SH3BP1: variants seen among roughly 807,000 people sequenced by gnomAD.
SH3BP1 encodes the protein SH3 domain-binding protein 1.
Under a neutral mutation model 69.8 loss-of-function variants are expected in SH3BP1, and 46 were observed. That is an observed-to-expected ratio of 0.66 (90% CI 0.52 to 0.84). SH3BP1 has a LOEUF of 0.84. SH3BP1 is among the 40% of genes least tolerant of loss of function. SH3BP1 has a pLI of 0.00. For synonymous variants in SH3BP1, 403 were observed against 378.0 expected (o/e 1.07, Z -0.77); for missense variants, 868 against 930.9 (o/e 0.93, Z 0.88).
chr22:37,643,199 G>C, intron 6 of SH3BP1, 25 bp downstream of exon 6: 4 of 1,587,442 alleles, frequency 2.5e-6, no homozygotes, highest in Non-Finnish European at 3.4e-6. Flanking sequence ...CGCTCAGGGG[G>C]CTCATATCTG....
chr22:37,641,114 C>CCCAA lies in SH3BP1; in HGVS notation c.60-12_60-11insCCAA. 7.4e-7 allele frequency: 1 copy of CCCAA among 1,358,296 alleles called. No individual in the cohort carries two copies. Among genetic ancestry groups the CCCAA allele is most frequent in the Non-Finnish European group, 1.0e-6 (1 of 984,252 alleles). The allele number at this position is 1,358,296 out of a possible 1,614,324, so 84.1% of individuals were successfully genotyped here. On this transcript the variant is annotated splice_polypyrimidine_tract_variant and intron_variant, in intron 1 of 17. Transcript: ENST00000649765. Reference sequence around the variant, plus strand: ...GAAGCACTCTCCCCCCCCCCCCCACCACTCCCCGCAGCACCCCGGAGACCG... The same window carrying CCCAA: ...GAAGCACTCTCCCCCCCCCCCCCACCCCAAACTCCCCGCAGCACCCCGGAGACCG...
Position 37,643,287 on chromosome 22 carries a change from A to AGT in SH3BP1, c.473+120_473+121dup, listed in dbSNP as rs1932678349. ...GGATGCTGTGGGGTCTGCTGAGTAC[A>AGT]GTGTGTGTACTTGTGCACGCCTGGT... On this transcript the variant is annotated intron_variant, in intron 6 of 17. Transcript: ENST00000649765. 4 of 952,640 alleles carry AGT rather than the reference A, an allele frequency of 4.2e-6. No individual in the cohort carries two copies. The South Asian group carries it at 4.2e-5, about 10-fold the overall frequency. The allele number at this position is 952,640 out of a possible 1,614,324, so 59.0% of individuals were successfully genotyped here.
intron 7 of SH3BP1, among the ~76,000 whole-genome samples, chr22:37,644,239 C>T (rs1435920379): frequency 6.6e-6 from 1 of 152,260 alleles, no homozygotes; most frequent in Non-Finnish European, 1.5e-5. Context: ...CTTAGCTGGG[C>T]GTAGTGGCGG....
Position 37,648,347 on chromosome 22 carries a change from GC to G in SH3BP1, c.1230del (p.Glu411ArgfsTer5). On this transcript the variant is annotated frameshift_variant, in exon 14 of 18. Coordinates refer to ENST00000649765, the MANE Select transcript of SH3BP1 (RefSeq NM_018957.6). LOFTEE classifies it high-confidence loss of function. ...CCTGATGAAGTTCCTGGCACGGCTG[GC>G]CGAGGAGCAGGAGGTGAACAAGATG... ...RYLMKFLARL[A>X]EEQEVNKMTP... is the part of the protein sequence containing the mutation. The G allele has an allele frequency of 6.3e-7, 1 of 1,579,688 alleles. No homozygotes were observed. Among genetic ancestry groups the G allele is most frequent in the Non-Finnish European group, 8.6e-7 (1 of 1,162,694 alleles).
In SH3BP1 at chr22:37,655,507, C is replaced by CCCGGCCTCCCCAGGT. The variant is rs1352009220; in HGVS notation, c.1932_1946dup (p.Gly648_Pro652dup). 5.1e-6 allele frequency: 8 copies of CCCGGCCTCCCCAGGT among 1,573,236 alleles called. No homozygotes were observed. The highest frequency in any genetic ancestry group is 4.7e-5 in the South Asian group (4 of 84,926). ...GCCGGCGTTCACCAGCCTCCCCCAG[C>CCCGGCCTCCCCAGGT]CCGGCCTCCCCAGGTCCAGCCTCCC... On this transcript the variant is annotated inframe_insertion, in exon 18 of 18. Coordinates refer to ENST00000649765, the MANE Select transcript of SH3BP1 (RefSeq NM_018957.6).
In SH3BP1 at chr22:37,650,174, G is replaced by C; in HGVS notation, c.1339G>C (p.Ala447Pro). The part of the protein sequence containing the change: ...KEGDQAQLDA[A>P]SVSSIQVVGV... ...CAGGGACCAGGCCCAGCTGGATGCAGCCTCCGTGTCTTCCATCCAGGTGGT... is the reference window on the plus strand; with the variant it reads ...CAGGGACCAGGCCCAGCTGGATGCACCCTCCGTGTCTTCCATCCAGGTGGT... The change falls in exon 15 of 18, where the codon GCC (alanine) becomes CCC (proline). Residue 447 changes from alanine to proline, a missense_variant. Physicochemically the swap from Ala to Pro is conservative, Grantham distance 27. Transcript: ENST00000649765. The C allele has an allele frequency of 6.2e-7, 1 of 1,614,092 alleles. No individual in the cohort carries two copies. The highest frequency in any genetic ancestry group is 8.5e-7 in the Non-Finnish European group (1 of 1,180,014).
chr22:37,642,820 G>A, intron 4 of SH3BP1, 75 bp from the exon 5 acceptor site: 2 of 1,590,746 alleles, frequency 1.3e-6, no homozygotes, highest in African/African-American at 1.3e-5. Context: ...AGTGAGGGAG[G>A]AGAGGCCCCA....
chr22:37,643,286 C>A, intron 6 of SH3BP1, 112 bp downstream of exon 6: 1 of 956,348 alleles, frequency 1.0e-6, no homozygotes, highest in Non-Finnish European at 1.6e-6. Flanking sequence ...CTGCTGAGTA[C>A]AGTGTGTGTA....
Position 37,639,728 on chromosome 22 carries a change from G to T in SH3BP1, c.-60G>T. ...CGCCGCAGGAGAGGCAGGCTGGACCGGGGGCTCCCCGGGCCCGCGACCCCC... is the reference window on the plus strand; with the variant it reads ...CGCCGCAGGAGAGGCAGGCTGGACCTGGGGCTCCCCGGGCCCGCGACCCCC... On this transcript the variant is annotated 5_prime_UTR_variant, in exon 1 of 18. Transcript: ENST00000649765. 1 of 1,120,830 alleles carries T rather than the reference G, an allele frequency of 8.9e-7. No individual in the cohort carries two copies. Among genetic ancestry groups the T allele is most frequent in the Non-Finnish European group, 1.2e-6 (1 of 807,326 alleles). The allele number at this position is 1,120,830 out of a possible 1,614,324, so 69.4% of individuals were successfully genotyped here. A position where few individuals can be genotyped will look rare whatever the true frequency, so the allele number is the denominator to read the frequency against.
At chr22:37,644,983 A>G in intron 9 of SH3BP1, 23 bp downstream of exon 9, 1 of 1,602,440 alleles carries the variant, frequency 6.2e-7, no homozygotes, top group Non-Finnish European at 8.5e-7. Flanking sequence ...GCCCGGCGAT[A>G]CCACACCCCT....
At chr22:37,642,474 G>C (rs527237972) in intron 3 of SH3BP1, 65 bp from the exon 4 acceptor site, 21 of 1,558,288 alleles carry the variant, frequency 1.3e-5, no homozygotes, top group Non-Finnish European at 1.4e-5. Context: ...CAAGGGGCTG[G>C]CCTGGTGCTC....
chr22:37,652,136 C>A (rs925685796), intron 16 of SH3BP1, among the ~76,000 whole-genome samples: 2 of 151,644 alleles, frequency 1.3e-5, no homozygotes, highest in African/African-American at 4.8e-5. Flanking sequence ...CGGTGAAACC[C>A]CGTCTCTACT....
chr22:37,644,778 C>G (rs1240563511), intron 8 of SH3BP1, 73 bp downstream of exon 8: 1 of 1,605,948 alleles, frequency 6.2e-7, no homozygotes, highest in Non-Finnish European at 8.5e-7. Context: ...CACTGGGGCT[C>G]TAAGATGGTG....
At chr22:37,650,288 C>T in intron 15 of SH3BP1, 39 bp downstream of exon 15, 1 of 1,561,596 alleles carries the variant, frequency 6.4e-7, no homozygotes, top group Non-Finnish European at 8.7e-7. Flanking sequence ...GCTGGGTGCC[C>T]TCCTTCTGCC....
chr22:37,649,242 C>CT (rs1230575413), intron 14 of SH3BP1, among the ~76,000 whole-genome samples: 2 of 152,110 alleles, frequency 1.3e-5, no homozygotes, highest in African/African-American at 4.8e-5. Context: ...AATCCTAGCA[C>CT]TTTGGGAGGC....
chr22:37,641,237 C>T (rs1001183503), intron 2 of SH3BP1, 69 bp downstream of exon 2: 47 of 1,524,482 alleles, frequency 3.1e-5, no homozygotes, highest in African/African-American at 3.0e-4. Flanking sequence ...AGGGCCGGGG[C>T]GGGGACGCCA....
chr22:37,641,073 C>G, intron 1 of SH3BP1, 53 bp from the exon 2 acceptor site: 2 of 1,279,372 alleles, frequency 1.6e-6, no homozygotes, highest in South Asian at 1.3e-5. Flanking sequence ...GCGTTCTAAC[C>G]CAGGCAGGCT....
chr22:37,648,685 C>T, intron 14 of SH3BP1: 2 of 413,808 alleles, frequency 4.8e-6, no homozygotes, highest in South Asian at 4.5e-5. Flanking sequence ...GAGCTGGGAG[C>T]CCAGAGATCG....
chr22:37,646,807 C>G lies in SH3BP1; in HGVS notation c.925-11C>G, dbSNP rs1932792714. 1 of 1,503,678 alleles carries G rather than the reference C, an allele frequency of 6.7e-7. No homozygotes were observed. The highest frequency in any genetic ancestry group is 1.3e-5 in the South Asian group (1 of 78,602). 93.1% of individuals were successfully genotyped at this position (1,503,678 alleles called of 1,614,324 possible). On this transcript the variant is annotated splice_polypyrimidine_tract_variant and intron_variant, in intron 10 of 17. Coordinates refer to ENST00000649765, the MANE Select transcript of SH3BP1 (RefSeq NM_018957.6). The stretch of plus-strand genomic sequence containing the variant: ...CCTCTGTGACCCTTGCCTGCCTCCT[C>G]TCGAACCCAGGGTCTCTTCCGTCTG...
Sources: gnomAD v4.1 joint callset for allele counts (sites outside exome capture counted in the v4.1 genomes callset) on GRCh38, gnomAD v4.1.1 for gene constraint, MANE v1.5 for transcripts, NCBI Gene and HGNC (gene_info 2026-07-23, HGNC 2026-07-21) for gene names.